The following GLOD4 variants were observed in gnomAD, a reference collection of about 807,000 sequenced individuals.
GLOD4 encodes the protein glyoxalase domain containing 4, also known as glyoxalase domain-containing protein 4.
In GLOD4, 44 loss-of-function variants were observed where a neutral mutation model predicts 39.1. The ratio of observed to expected loss-of-function variants is 1.13; its 90% confidence interval spans 0.88 to 1.45. The LOEUF (loss-of-function observed/expected upper bound fraction) is 1.45, where lower values mean the gene tolerates loss of function less well. Among genes scored for constraint, GLOD4 ranks in the 40% most tolerant of loss-of-function variants. GLOD4 has a pLI of 0.00. For synonymous variants in GLOD4, 145 were observed against 135.0 expected, an observed-to-expected ratio of 1.07 and a Z score of -0.52; for missense variants, 405 against 366.4, an observed-to-expected ratio of 1.11 and a Z score of -0.86.
rs140041074 is a variant in GLOD4 at position 771,821 on chromosome 17, A to G, written c.407-360T>C. Among the ~76,000 whole-genome samples, 204 of 152,296 alleles carry G rather than the reference A, an allele frequency of 1.3e-3. 1 individual carries two copies. Among genetic ancestry groups the G allele is most frequent in the African/African-American group, 4.0e-3 (165 of 41,566 alleles). On this transcript the variant is annotated intron_variant, in intron 4 of 8. Transcript: ENST00000301329. ...GGAGTTTGAGACCAGCCTGGCCAAC[A>G]TGGCAAAACCCTGTCTCTACTAAAA...
chr17:783,749 C>G (rs1910376515), upstream of GLOD4, among the ~76,000 whole-genome samples: 1 of 152,176 alleles, frequency 6.6e-6, no homozygotes, highest in Non-Finnish European at 1.5e-5. Flanking sequence ...ATATAATTCT[C>G]AAACCTGTGT....
intron 8 of GLOD4, chr17:764,986 G>A (rs55756744): frequency 0.084 from 12,661 of 150,798 alleles, 873 homozygotes; most frequent in Middle Eastern, 0.17. Flanking sequence ...CAGCCTGGGT[G>A]ACAGAGCGAG....
chr17:764,008 G>A (rs142361164), intron 8 of GLOD4: 185 of 152,276 alleles, frequency 1.2e-3, no homozygotes, highest in African/African-American at 4.1e-3. Flanking sequence ...AGGCTCTGTC[G>A]TACTCTCTTC....
intron 8 of GLOD4, among the ~76,000 whole-genome samples, chr17:766,569 C>G (rs1906608652): frequency 6.6e-6 from 1 of 151,564 alleles, no homozygotes; most frequent in Non-Finnish European, 1.5e-5. Flanking sequence ...GCACTCCAGC[C>G]TAGTTGACAG....
chr17:782,764 TC>T, upstream of GLOD4: 1 of 1,461,456 alleles, frequency 6.8e-7, no homozygotes, highest in Non-Finnish European at 9.2e-7. Context: ...TTAACCTCCT[TC>T]CGATGGAGGA....
chr17:760,241 G>A lies in GLOD4; in HGVS notation c.832-3C>T, dbSNP rs372139094. 1 of 1,544,192 alleles carries A rather than the reference G, an allele frequency of 6.5e-7. No homozygotes were observed. Among genetic ancestry groups the A allele is most frequent in the Non-Finnish European group, 9.0e-7 (1 of 1,116,316 alleles). On this transcript the variant is annotated splice_region_variant and splice_polypyrimidine_tract_variant and intron_variant, in intron 8 of 8. Transcript: ENST00000301329. ...TCACTTTTATCTGCTGCCATTGCCT[G>A]TAAAATAGAAATAGAATATACACTG...
chr17:782,238 A>G lies in GLOD4; in HGVS notation c.18T>C (p.Ala6=). Residue 6 remains alanine, a synonymous_variant, in exon 1 of 9, where the codon GCT becomes GCC. Transcript: ENST00000301329. MAARR[A]LHFVFKVGNR... ...TTCCCACTTTGAATACGAAGTGCAG[A>G]GCTCTGCGAGCAGCCATGATTCCCG... 1.9e-6 allele frequency: 3 copies of G among 1,613,472 alleles called. No homozygotes were observed. Among genetic ancestry groups the G allele is most frequent in the Admixed American group, 1.7e-5 (1 of 59,992 alleles).
chr17:771,018 G>A (rs534671799), intron 5 of GLOD4: 3 of 227,802 alleles, frequency 1.3e-5, no homozygotes, highest in East Asian at 1.2e-4. Context: ...GGACTAAATC[G>A]TGCTCAAACG....
chr17:763,616 G>A (rs776518925), intron 8 of GLOD4: 7 of 152,058 alleles, frequency 4.6e-5, no homozygotes, highest in Non-Finnish European at 1.0e-4. Context: ...CATATTTTTA[G>A]TATAAATAGA....
chr17:778,596 A>AATT, intron 2 of GLOD4, 99 bp downstream of exon 2: 1 of 807,682 alleles, frequency 1.2e-6, no homozygotes, highest in Non-Finnish European at 2.2e-6. Flanking sequence ...CTGCCTCCTT[A>AATT]ATTAATTCCA....
At chr17:782,720 G>A (rs1910200388), upstream of GLOD4, 1 of 1,569,548 alleles carries the variant, frequency 6.4e-7, no homozygotes, top group African/African-American at 1.4e-5. Context: ...CCTGTCGAAT[G>A]TTCTCGTTTC....
At chr17:775,254 G>C (rs1210193493) in intron 4 of GLOD4, among the ~76,000 whole-genome samples, 2 of 151,242 alleles carry the variant, frequency 1.3e-5, no homozygotes, top group African/African-American at 4.9e-5. Flanking sequence ...CGGACTGACA[G>C]AGTCTCAAAA....
chr17:784,082 C>T (rs1054147956), upstream of GLOD4, among the ~76,000 whole-genome samples: 1 of 152,222 alleles, frequency 6.6e-6, no homozygotes, highest in Non-Finnish European at 1.5e-5. Context: ...CTAGTCTGTT[C>T]CTTCATTTGG....
At chr17:769,184 T>A (rs1907416389) in intron 8 of GLOD4, among the ~76,000 whole-genome samples, 1 of 150,712 alleles carries the variant, frequency 6.6e-6, no homozygotes, top group Admixed American at 6.6e-5. Flanking sequence ...GGGGAACGGA[T>A]GGAGGCATCT....
In GLOD4 at chr17:770,395, T is replaced by C. The variant is rs773626869; in HGVS notation, c.630+26A>G. 3.3e-6 allele frequency: 4 copies of C among 1,194,986 alleles called. No homozygotes were observed. The East Asian group carries it at 7.0e-5, about 21-fold the overall frequency. 74.0% of individuals were successfully genotyped at this position (1,194,986 alleles called of 1,614,324 possible). On this transcript the variant is annotated intron_variant, in intron 6 of 8. Transcript: ENST00000301329. ...GGGTTGAACTAGCTAGTCAGAAAGC[T>C]CAAACGATCTGGTATCAAGCGTTAC...
upstream of GLOD4, chr17:782,677 G>A (rs750786036): frequency 5.0e-6 from 8 of 1,603,506 alleles, no homozygotes; most frequent in African/African-American, 1.3e-5. Context: ...GCTTATCCCG[G>A]GGACAGGAGG....
chr17:766,882 G>C (rs1032616664), intron 8 of GLOD4, among the ~76,000 whole-genome samples: 9 of 152,196 alleles, frequency 5.9e-5, no homozygotes, highest in African/African-American at 2.2e-4. Context: ...CTGGGCGACA[G>C]AGCTAGACTC....
At chr17:760,359 ACCCCCGCTC>A in intron 8 of GLOD4, 121 bp from the exon 9 acceptor site, 1 of 628,802 alleles carries the variant, frequency 1.6e-6, no homozygotes, top group Non-Finnish European at 2.8e-6. Context: ...AAGGACCCAA[ACCCCCGCTC>A]CAAAAAAAAG....
In GLOD4 at chr17:782,250, A is replaced by C; in HGVS notation, c.6T>G (p.Ala2=). The C allele has an allele frequency of 6.2e-7, 1 of 1,613,430 alleles. No individual in the cohort carries two copies. The highest frequency in any genetic ancestry group is 8.5e-7 in the Non-Finnish European group (1 of 1,179,718). The change falls in exon 1 of 9, where the codon GCT becomes GCG. Residue 2 remains alanine (A), a synonymous_variant. Transcript: ENST00000301329. M[A]ARRALHFVFK... is the part of the protein sequence containing the mutation. The stretch of plus-strand genomic sequence containing the variant: ...ATACGAAGTGCAGAGCTCTGCGAGC[A>C]GCCATGATTCCCGCCGCACGCAGCC...
Sources: gnomAD v4.1 joint callset for allele counts (sites outside exome capture counted in the v4.1 genomes callset) on GRCh38, gnomAD v4.1.1 for gene constraint, MANE v1.5 for transcripts, NCBI Gene and HGNC (gene_info 2026-07-23, HGNC 2026-07-21) for gene names.